ROR1: variants seen among roughly 807,000 people sequenced by gnomAD.
ROR1 encodes inactive tyrosine-protein kinase transmembrane receptor ROR1.
Under a neutral mutation model 78.8 loss-of-function variants are expected in ROR1, and 19 were observed. The observed-to-expected ratio is 0.24, with a 90% confidence interval of 0.17 to 0.35. The LOEUF is 0.35. Among genes scored for constraint, ROR1 ranks in the 10% least tolerant of loss-of-function variants. The pLI is 1.00. For missense variants in ROR1, 917 were observed against 1,177.8 expected (o/e 0.78, Z 3.24); for synonymous variants, 386 against 433.6 (o/e 0.89, Z 1.36).
At position 63,979,422 on chromosome 1, in the gene ROR1, G is replaced by A. The variant is rs184652624; in HGVS notation, c.92-29883G>A. On this transcript the variant is annotated intron_variant, in intron 1 of 8. Transcript: ENST00000371079. ...ACTAGGAACTAGGCTTGAAGGGTAA[G>A]GGGAGAGAATGATGCAATTGGAATC... 1.8e-4 allele frequency among the ~76,000 whole-genome samples: 27 copies of A among 152,258 alleles called. 1 individual carries two copies. The highest frequency in any genetic ancestry group is 4.6e-4 in the Admixed American group (7 of 15,298).
At chr1:63,829,503 C>T (rs1346814476) in intron 1 of ROR1, among the ~76,000 whole-genome samples, 2 of 151,972 alleles carry the variant, frequency 1.3e-5, no homozygotes, top group Non-Finnish European at 2.9e-5. Flanking sequence ...AACATAGAAG[C>T]TGAGATCTGG....
intron 1 of ROR1, among the ~76,000 whole-genome samples, chr1:63,973,134 C>T (rs999663755): frequency 3.3e-5 from 5 of 152,192 alleles, no homozygotes; most frequent in African/African-American, 1.2e-4. Flanking sequence ...ACCTCTTTGC[C>T]CCTGCCCTCC....
chr1:64,140,136 G>C lies in ROR1; in HGVS notation c.638G>C (p.Ser213Thr). 6.2e-7 allele frequency: 1 copy of C among 1,613,214 alleles called. No individual in the cohort carries two copies. The highest frequency in any genetic ancestry group is 8.5e-7 in the Non-Finnish European group (1 of 1,179,294). Residue 213 changes from serine (S) to threonine (T), a missense_variant, in exon 6 of 9, where the codon AGT (serine) becomes ACT (threonine). Physicochemically the swap from Ser to Thr is moderately conservative, Grantham distance 58. Around this residue, in one of 3 missense-constraint regions of ROR1, gnomAD observed 835 missense variants for 1,069.8 expected, o/e 0.78. Transcript: ENST00000371079. ...TAAFTMIGTS[S>T]HLSDKCSQFA... ...GCCTTCACTATGATTGGCACTTCCA[G>C]TCACTTATCTGATAAGTGTTCTCAG...
chr1:64,110,775 C>G (rs1266986107), intron 4 of ROR1: 2 of 151,952 alleles, frequency 1.3e-5, no homozygotes, highest in Non-Finnish European at 2.9e-5. Flanking sequence ...AAGCAGAATG[C>G]AGGATGGTGC....
intron 4 of ROR1, among the ~76,000 whole-genome samples, chr1:64,058,395 GT>G (rs1042844288): frequency 3.0e-4 from 44 of 147,034 alleles, no homozygotes; most frequent in African/African-American, 9.2e-4. Context: ...TGGACATCCT[GT>G]TTTTTTTTTA....
intron 8 of ROR1, among the ~76,000 whole-genome samples, chr1:64,165,701 CTTT>C (rs576997668): frequency 2.9e-5 from 3 of 102,886 alleles, no homozygotes; most frequent in Non-Finnish European, 3.8e-5. Context: ...TCGGGTTTTA[CTTT>C]TTTTTTTTTT....
intron 2 of ROR1, among the ~76,000 whole-genome samples, chr1:64,020,981 G>A (rs772870460): frequency 1.1e-4 from 17 of 151,702 alleles, no homozygotes; most frequent in Non-Finnish European, 2.1e-4. Flanking sequence ...AAGGCTTCAT[G>A]CTTAAGTATC....
chr1:63,812,951 T>G (rs1644869352), intron 1 of ROR1, among the ~76,000 whole-genome samples: 1 of 152,124 alleles, frequency 6.6e-6, no homozygotes, highest in Non-Finnish European at 1.5e-5. Flanking sequence ...TTCTAAAGGC[T>G]TCCCATCATG....
At chr1:63,843,654 A>G (rs1285931102) in intron 1 of ROR1, 10 of 592,550 alleles carry the variant, frequency 1.7e-5, no homozygotes, top group Admixed American at 7.8e-5. Context: ...GAACATGTTC[A>G]TGACACCATC....
intron 1 of ROR1, among the ~76,000 whole-genome samples, chr1:63,827,127 T>C (rs1644958706): frequency 6.6e-6 from 1 of 152,146 alleles, no homozygotes; most frequent in Non-Finnish European, 1.5e-5. Flanking sequence ...TGTCCACTTT[T>C]TAATGGGGTT....
chr1:63,911,650 A>G (rs1645571155), intron 1 of ROR1, among the ~76,000 whole-genome samples: 1 of 151,722 alleles, frequency 6.6e-6, no homozygotes, highest in Admixed American at 6.6e-5. Flanking sequence ...CAAAAAGGTT[A>G]AGGACCGCTG....
chr1:64,121,704 G>A (rs1648549518), intron 4 of ROR1, among the ~76,000 whole-genome samples: 1 of 151,982 alleles, frequency 6.6e-6, no homozygotes, highest in South Asian at 2.1e-4. Flanking sequence ...ATCCAATATT[G>A]GCTGCACCAG....
At chr1:64,083,778 G>A (rs923653488) in intron 4 of ROR1, among the ~76,000 whole-genome samples, 9 of 152,130 alleles carry the variant, frequency 5.9e-5, no homozygotes, top group Admixed American at 1.3e-4. Flanking sequence ...AGAACCTCAC[G>A]CTTAGAATGT....
intron 4 of ROR1, among the ~76,000 whole-genome samples, chr1:64,125,739 C>T (rs1648690303): frequency 6.6e-6 from 1 of 152,118 alleles, no homozygotes; most frequent in Non-Finnish European, 1.5e-5. Flanking sequence ...TGCCTTGTTC[C>T]ACCTTTGGGA....
chr1:63,887,749 A>T (rs1417368018), intron 1 of ROR1, among the ~76,000 whole-genome samples: 1 of 152,198 alleles, frequency 6.6e-6, no homozygotes, highest in Non-Finnish European at 1.5e-5. Flanking sequence ...TTTCTCCCAT[A>T]CCTTGAACAA....
At chr1:64,139,541 C>T (rs567990156) in intron 5 of ROR1, among the ~76,000 whole-genome samples, 2 of 152,322 alleles carry the variant, frequency 1.3e-5, no homozygotes, top group Admixed American at 6.5e-5. Flanking sequence ...TTCGATGATA[C>T]ACATTGGAAC....
intron 1 of ROR1, among the ~76,000 whole-genome samples, chr1:63,957,752 T>G (rs145759006): frequency 3.0e-4 from 45 of 151,886 alleles, no homozygotes; most frequent in Admixed American, 6.5e-4. Context: ...TTTGTTTTTT[T>G]TTTTTTTGGA....
intron 6 of ROR1, among the ~76,000 whole-genome samples, chr1:64,142,061 G>T (rs919492710): frequency 6.6e-6 from 1 of 152,170 alleles, no homozygotes; most frequent in African/African-American, 2.4e-5. Context: ...GAAAAGTTTG[G>T]CTTGAACCTT....
rs568808048 is a variant in ROR1 at position 64,117,425 on chromosome 1, G to T, written c.483-19944G>T. 2.0e-4 allele frequency among the ~76,000 whole-genome samples: 31 copies of T among 152,166 alleles called. No homozygotes were observed. The South Asian group carries it at 3.1e-3, about 15-fold the overall frequency. ...AATTTGGCTTGGGTTAAGAAAAAAA[G>T]TATTTTTTTTTCTCTCAAACCAGTG... On this transcript the variant is annotated intron_variant, in intron 4 of 8. Coordinates refer to ENST00000371079, the MANE Select transcript of ROR1 (RefSeq NM_005012.4).
Sources: gnomAD v4.1 joint callset for allele counts (sites outside exome capture counted in the v4.1 genomes callset) on GRCh38, gnomAD v4.1.1 for gene constraint, gnomAD v4.1.1 regional missense constraint, MANE v1.5 for transcripts, NCBI Gene and HGNC (gene_info 2026-07-23, HGNC 2026-07-21) for gene names.